The following KCNT2 variants were observed in gnomAD, a reference collection of about 807,000 sequenced individuals.
The protein encoded by KCNT2 is potassium sodium-activated channel subfamily T member 2, also known as potassium channel subfamily T member 2.
A neutral mutation model predicts 153.8 loss-of-function variants in KCNT2; 67 were observed. The observed-to-expected ratio is 0.44, with a 90% confidence interval of 0.36 to 0.53. The LOEUF is 0.53. KCNT2 is among the 20% of genes least tolerant of loss of function. KCNT2 has a pLI of 0.00. For missense variants in KCNT2, 975 were observed against 1,354.8 expected, an observed-to-expected ratio of 0.72 and a Z score of 4.40; for synonymous variants, 500 against 458.8, an observed-to-expected ratio of 1.09 and a Z score of -1.15.
At chr1:196,445,381 A>G (rs1675599787) in intron 8 of KCNT2, among the ~76,000 whole-genome samples, 2 of 151,334 alleles carry the variant, frequency 1.3e-5, no homozygotes, top group African/African-American at 4.8e-5. Context: ...TCTCTAGTCA[A>G]CATTTTCTGG....
intron 5 of KCNT2, among the ~76,000 whole-genome samples, chr1:196,478,920 C>T (rs183214723): frequency 6.6e-6 from 1 of 152,110 alleles, no homozygotes; most frequent in African/African-American, 2.4e-5. Flanking sequence ...AAAGTTGAAC[C>T]ATTCCATTTG....
intron 17 of KCNT2, among the ~76,000 whole-genome samples, chr1:196,332,926 A>T (rs1664610945): frequency 6.6e-6 from 1 of 151,638 alleles, no homozygotes; most frequent in Admixed American, 6.6e-5. Flanking sequence ...GTAGGATTGC[A>T]GGCGCGCACC....
At chr1:196,472,619 T>G (rs771833860) in intron 5 of KCNT2, among the ~76,000 whole-genome samples, 3 of 152,230 alleles carry the variant, frequency 2.0e-5, no homozygotes, top group Admixed American at 6.5e-5. Flanking sequence ...GCACTTTATA[T>G]ATAGTATGTC....
intron 8 of KCNT2, among the ~76,000 whole-genome samples, chr1:196,441,845 C>T (rs1041153068): frequency 6.6e-6 from 1 of 151,690 alleles, no homozygotes; most frequent in Non-Finnish European, 1.5e-5. Context: ...AGTATCTATT[C>T]ATATCCATTC....
intron 14 of KCNT2, among the ~76,000 whole-genome samples, chr1:196,350,565 G>A (rs961161070): frequency 7.3e-5 from 11 of 150,674 alleles, no homozygotes; most frequent in Non-Finnish European, 1.6e-4. Flanking sequence ...TTTTCTTCTT[G>A]TAAATTTGTT....
At chr1:196,484,313 A>C (rs985449772) in intron 3 of KCNT2, among the ~76,000 whole-genome samples, 1 of 151,908 alleles carries the variant, frequency 6.6e-6, no homozygotes, top group Non-Finnish European at 1.5e-5. Context: ...TTGGCTGTGT[A>C]AATGTCTTTT....
chr1:196,584,013 A>G (rs1662366476), intron 1 of KCNT2, among the ~76,000 whole-genome samples: 1 of 151,922 alleles, frequency 6.6e-6, no homozygotes, highest in African/African-American at 2.4e-5. Flanking sequence ...AAGTAGAGCA[A>G]TCTTGGTCAT....
Position 196,497,572 on chromosome 1 carries a change from G to T in KCNT2, c.96-5231C>A, listed in dbSNP as rs1456929591. 6.6e-5 allele frequency among the ~76,000 whole-genome samples: 10 copies of T among 152,200 alleles called. No homozygotes were observed. The East Asian group carries it at 1.9e-3, about 29-fold the overall frequency. Reference sequence around the variant, plus strand: ...AGCATTGTGGATTTTGGTATCCACAGAAGTCCTGGAACCAATCCCCATGAT... The same window carrying T: ...AGCATTGTGGATTTTGGTATCCACATAAGTCCTGGAACCAATCCCCATGAT... On this transcript the variant is annotated intron_variant, in intron 1 of 27. Transcript: ENST00000294725.
intron 27 of KCNT2, among the ~76,000 whole-genome samples, chr1:196,235,596 G>A (rs1242550577): frequency 6.6e-6 from 1 of 151,312 alleles, no homozygotes; most frequent in African/African-American, 2.4e-5. Flanking sequence ...TAGTCCCATA[G>A]AACTTTTTCT....
Position 196,482,391 on chromosome 1 carries a change from A to G in KCNT2, c.276-12T>C, listed in dbSNP as rs750761474. On this transcript the variant is annotated splice_polypyrimidine_tract_variant and intron_variant, in intron 3 of 27. Transcript: ENST00000294725. ...AAAAGATATGAGACCTATAAAAAGA[A>G]TAATAATAAGTTAGTTTTTTAAAAT... The G allele has an allele frequency of 6.9e-6, 10 of 1,443,588 alleles. No homozygotes were observed. The South Asian group carries it at 9.1e-5, about 13-fold the overall frequency. The allele number at this position is 1,443,588 out of a possible 1,614,324, so 89.4% of individuals were successfully genotyped here.
chr1:196,469,336 A>G (rs1287224085), intron 5 of KCNT2, among the ~76,000 whole-genome samples: 1 of 152,172 alleles, frequency 6.6e-6, no homozygotes. Context: ...GTAATATGTC[A>G]TGGAAGAAAA....
intron 13 of KCNT2, among the ~76,000 whole-genome samples, chr1:196,393,711 A>T (rs1279341847): frequency 1.3e-5 from 2 of 151,532 alleles, no homozygotes; most frequent in African/African-American, 4.8e-5. Context: ...TCTGATAACT[A>T]AACTGCTATA....
intron 24 of KCNT2, among the ~76,000 whole-genome samples, chr1:196,281,622 T>A (rs146423646): frequency 3.1e-4 from 47 of 152,294 alleles, no homozygotes; most frequent in African/African-American, 1.1e-3. Flanking sequence ...TACCAAATCA[T>A]TTCATTCAGC....
intron 1 of KCNT2, among the ~76,000 whole-genome samples, chr1:196,543,875 A>C (rs567392485): frequency 6.6e-6 from 1 of 152,304 alleles, no homozygotes; most frequent in South Asian, 2.1e-4. Flanking sequence ...CACATAATCC[A>C]GCAGTCGTAC....
At chr1:196,339,518 CACAGAGAGAG>C (rs1665386781) in intron 16 of KCNT2, among the ~76,000 whole-genome samples, 1 of 100,272 alleles carries the variant, frequency 1.0e-5, no homozygotes, top group African/African-American at 3.2e-5. Context: ...CACACACACA[CACAGAGAGAG>C]AGAGAGAGAG....
intron 8 of KCNT2, among the ~76,000 whole-genome samples, chr1:196,450,547 A>G (rs528186652): frequency 2.0e-5 from 3 of 151,942 alleles, no homozygotes; most frequent in East Asian, 3.9e-4. Flanking sequence ...AGTTTTCCAG[A>G]TTACAAACCT....
intron 4 of KCNT2, 88 bp from the exon 5 acceptor site, chr1:196,479,326 TATGTGC>T: frequency 2.7e-6 from 2 of 729,270 alleles, no homozygotes; most frequent in Non-Finnish European, 4.7e-6. Context: ...TATTTAAATA[TATGTGC>T]ATGTATACAT....
intron 8 of KCNT2, among the ~76,000 whole-genome samples, chr1:196,443,243 G>A (rs1369841582): frequency 6.6e-6 from 1 of 151,498 alleles, no homozygotes; most frequent in Non-Finnish European, 1.5e-5. Context: ...AAGAGGAAAT[G>A]GAACAAAAAC....
intron 1 of KCNT2, among the ~76,000 whole-genome samples, chr1:196,581,055 C>T (rs943030798): frequency 1.3e-5 from 2 of 151,970 alleles, no homozygotes; most frequent in African/African-American, 4.8e-5. Flanking sequence ...ACTATAGCTG[C>T]TACAGCTATT....
Sources: gnomAD v4.1 joint callset for allele counts (sites outside exome capture counted in the v4.1 genomes callset) on GRCh38, gnomAD v4.1.1 for gene constraint, MANE v1.5 for transcripts, NCBI Gene and HGNC (gene_info 2026-07-23, HGNC 2026-07-21) for gene names.